MBNL3: variants seen among roughly 807,000 people sequenced by gnomAD.
The protein encoded by MBNL3 is muscleblind-like protein 3.
Under a neutral mutation model 24.5 loss-of-function variants are expected in MBNL3, and 6 were observed. The observed-to-expected ratio is 0.25, with a 90% CI of 0.13 to 0.48. MBNL3 has a LOEUF of 0.48. Ranked by LOEUF, MBNL3 falls within the 20% of genes least tolerant of loss-of-function variation. MBNL3 has a pLI of 0.99. For missense variants in MBNL3, 230 were observed against 293.5 expected, an observed-to-expected ratio of 0.78 and a Z score of 1.58; for synonymous variants, 100 against 101.7, an observed-to-expected ratio of 0.98 and a Z score of 0.10.
chrX:132,431,781 TG>T (rs1202856199), intron 2 of MBNL3: 10 of 112,167 alleles, frequency 8.9e-5, no homozygotes, highest in Non-Finnish European at 1.3e-4. Context: ...TGTATCTATC[TG>T]TATACATACT....
At chrX:132,400,441 C>T (rs766548715) in intron 3 of MBNL3, among the ~76,000 whole-genome samples, 68 of 111,496 alleles carry the variant, frequency 6.1e-4, no homozygotes, top group African/African-American at 2.1e-3. Flanking sequence ...AGCAAAAGGC[C>T]CGAATAACTA....
intron 1 of MBNL3, among the ~76,000 whole-genome samples, chrX:132,479,010 G>A (rs1201449065): frequency 8.9e-6 from 1 of 112,215 alleles, no homozygotes; most frequent in Non-Finnish European, 1.9e-5. Context: ...AGCACTTTGG[G>A]AGGCCAAGGC....
chrX:132,465,842 T>C (rs971875920), intron 1 of MBNL3, among the ~76,000 whole-genome samples: 1 of 111,832 alleles, frequency 8.9e-6, no homozygotes, highest in Non-Finnish European at 1.9e-5. Context: ...AAGATTAATA[T>C]TATGTGTTCT....
rs771240095 is a variant in MBNL3, at chrX:132,488,987, T to C, written c.-840A>G. The C allele has an allele frequency of 8.8e-6, 1 of 113,389 alleles. No individual in the cohort carries two copies. The highest frequency in any genetic ancestry group is 3.2e-5 in the African/African-American group (1 of 31,296). The allele number at this position is 113,389 out of a possible 1,213,427, so 9.3% of individuals were successfully genotyped here. On this transcript the variant is annotated 5_prime_UTR_variant, in exon 1 of 9. Coordinates refer to ENST00000370853, the MANE Select transcript of MBNL3 (RefSeq NM_001386889.1). ...GCAGCGCTGCGCGAGGTGGCCCCGG[T>C]GCCGGGAGAGCCTTTAGCAGGGGTG... is the stretch of plus-strand genomic sequence containing the variant.
intron 1 of MBNL3, among the ~76,000 whole-genome samples, chrX:132,484,193 T>G (rs1044308484): frequency 1.8e-5 from 2 of 111,836 alleles, no homozygotes; most frequent in Non-Finnish European, 3.8e-5. Flanking sequence ...GGACTTGAGT[T>G]GCTACTGTGG....
chrX:132,380,807 C>G (rs1243998691), intron 8 of MBNL3, among the ~76,000 whole-genome samples: 2 of 108,883 alleles, frequency 1.8e-5, no homozygotes, highest in Non-Finnish European at 3.8e-5. Context: ...ATGATGGGCA[C>G]CAGGCAAAGA....
At chrX:132,429,360 C>A (rs769714915) in intron 2 of MBNL3, among the ~76,000 whole-genome samples, 6 of 111,894 alleles carry the variant, frequency 5.4e-5, no homozygotes, top group Non-Finnish European at 1.9e-5. Context: ...GCCACAGTTA[C>A]AATCCCCAGT....
intron 1 of MBNL3, among the ~76,000 whole-genome samples, chrX:132,486,284 A>C (rs1217228516): frequency 8.9e-6 from 1 of 111,909 alleles, no homozygotes; most frequent in African/African-American, 3.3e-5. Flanking sequence ...CTCACACATA[A>C]AGGCAGCTGG....
chrX:132,384,321 A>G (rs1184882014), intron 7 of MBNL3, among the ~76,000 whole-genome samples: 1 of 112,458 alleles, frequency 8.9e-6, no homozygotes, highest in East Asian at 2.8e-4. Flanking sequence ...GTATTTTACA[A>G]TTTTTAAATA....
At chrX:132,437,674 T>TA (rs755102624) in intron 2 of MBNL3, among the ~76,000 whole-genome samples, 1 of 111,647 alleles carries the variant, frequency 9.0e-6, no homozygotes, top group African/African-American at 3.3e-5. Flanking sequence ...CCTGACCCTC[T>TA]ATATGGACCA....
chrX:132,479,528 G>A (rs1215273415), intron 1 of MBNL3, among the ~76,000 whole-genome samples: 1 of 111,366 alleles, frequency 9.0e-6, no homozygotes, highest in Non-Finnish European at 1.9e-5. Context: ...TCTGCTCTGG[G>A]CATCATCTAA....
intron 1 of MBNL3, among the ~76,000 whole-genome samples, chrX:132,448,229 CT>C (rs1332999369): frequency 8.9e-6 from 1 of 111,768 alleles, no homozygotes; most frequent in East Asian, 2.8e-4. Flanking sequence ...ACCAGCTCCT[CT>C]TTGTACCCCT....
At chrX:132,396,868 T>TCATATATA (rs1270870027) in intron 3 of MBNL3, among the ~76,000 whole-genome samples, 61 of 65,990 alleles carry the variant, frequency 9.2e-4, no homozygotes, top group African/African-American at 3.1e-3. Flanking sequence ...ATATATATAT[T>TCATATATA]CATATATACA....
At chrX:132,396,906 A>G (rs1234240725) in intron 3 of MBNL3, among the ~76,000 whole-genome samples, 2 of 69,242 alleles carry the variant, frequency 2.9e-5, no homozygotes, top group African/African-American at 1.2e-4. Context: ...ATTCATATAT[A>G]CATATATACA....
chrX:132,467,064 A>ACT (rs1946924579), intron 1 of MBNL3, among the ~76,000 whole-genome samples: 1 of 111,796 alleles, frequency 8.9e-6, no homozygotes, highest in African/African-American at 3.3e-5. Flanking sequence ...ACACATGCAT[A>ACT]CTATCAGACT....
intron 1 of MBNL3, among the ~76,000 whole-genome samples, chrX:132,457,770 G>A (rs1027950854): frequency 2.7e-5 from 3 of 111,652 alleles, no homozygotes; most frequent in African/African-American, 9.8e-5. Flanking sequence ...AAACTAGGCT[G>A]AAATTCCCAG....
chrX:132,427,703 G>A (rs973704203), intron 2 of MBNL3, among the ~76,000 whole-genome samples: 1 of 111,798 alleles, frequency 8.9e-6, no homozygotes, highest in Non-Finnish European at 1.9e-5. Context: ...TCTACTCACT[G>A]TATTTAGATG....
intron 1 of MBNL3, among the ~76,000 whole-genome samples, chrX:132,445,691 C>CA (rs1368536053): frequency 9.0e-6 from 1 of 111,355 alleles, no homozygotes; most frequent in East Asian, 2.8e-4. Context: ...ATCACTTTAG[C>CA]AATGGATAAA....
chrX:132,487,827 T>C (rs1948087389), intron 1 of MBNL3, among the ~76,000 whole-genome samples: 1 of 112,389 alleles, frequency 8.9e-6, no homozygotes, highest in South Asian at 3.7e-4. Flanking sequence ...TAAGCCTCAT[T>C]GTCTATTTAC....
Sources: allele counts gnomAD v4.1 joint callset (sites outside exome capture counted in the v4.1 genomes callset), GRCh38; gene constraint gnomAD v4.1.1; transcripts MANE v1.5; gene names NCBI Gene and HGNC (gene_info 2026-07-23, HGNC 2026-07-21).